The following SCYL3 variants were observed in gnomAD, a reference collection of about 807,000 sequenced individuals.
SCYL3 encodes the protein protein-associating with the carboxyl-terminal domain of ezrin.
A neutral mutation model predicts 73.8 loss-of-function variants in SCYL3; 35 were observed. The ratio of observed to expected loss-of-function variants is 0.47; its 90% CI spans 0.36 to 0.63. The LOEUF is 0.63. SCYL3 is among the 20% of genes least tolerant of loss of function. The pLI, the probability that SCYL3 is intolerant of heterozygous loss-of-function variation, is 0.00. For missense variants in SCYL3, 712 were observed against 798.9 expected (o/e 0.89, Z 1.31); for synonymous variants, 277 against 295.2 (o/e 0.94, Z 0.63).
chr1:169,851,614 C>G lies in SCYL3; in HGVS notation c.*2099G>C. The G allele has an allele frequency of 1.6e-6, 1 of 642,644 alleles. No homozygotes were observed. Among genetic ancestry groups the G allele is most frequent in the Non-Finnish European group, 2.6e-6 (1 of 385,570 alleles). 39.8% of individuals were successfully genotyped at this position (642,644 alleles called of 1,614,324 possible). On this transcript the variant is annotated 3_prime_UTR_variant, in exon 13 of 13. Transcript: ENST00000367771. ...ATCATTTTTTCCTGCAAAGACAACTCTATAACTAACTATTTTGTAAGGAAG... is the reference window on the plus strand; with the variant it reads ...ATCATTTTTTCCTGCAAAGACAACTGTATAACTAACTATTTTGTAAGGAAG...
rs988326039 is a variant in SCYL3 at position 169,850,495 on chromosome 1, C to G, written c.*3218G>C. The G allele has an allele frequency of 1.7e-6, 1 of 581,690 alleles. No homozygotes were observed. The highest frequency in any genetic ancestry group is 3.0e-5 in the Admixed American group (1 of 33,172). The allele number at this position is 581,690 out of a possible 1,614,324, so 36.0% of individuals were successfully genotyped here. A position where few individuals can be genotyped will look rare whatever the true frequency, so the allele number is the denominator to read the frequency against. On this transcript the variant is annotated 3_prime_UTR_variant, in exon 13 of 13. Coordinates refer to ENST00000367771, the MANE Select transcript of SCYL3 (RefSeq NM_020423.7). ...GACGACTTTTACTAAGCAATTGAGG[C>G]CACAGAAGTAAAACACTTGGGGCCA...
At chr1:169,868,095 T>G (rs1660160505) in intron 7 of SCYL3, among the ~76,000 whole-genome samples, 1 of 152,140 alleles carries the variant, frequency 6.6e-6, no homozygotes, top group East Asian at 1.9e-4. Flanking sequence ...TTTTGAATAG[T>G]TTGAAATATG....
rs1428287658 is a variant in SCYL3, at chr1:169,851,060, T to C, written c.*2653A>G. ...GCTCAGGGCCCTTTTTTTTTTTTTTTTTTTTTTTTTTTTGGCATGGCTTTT... is the reference window on the plus strand; with the variant it reads ...GCTCAGGGCCCTTTTTTTTTTTTTTCTTTTTTTTTTTTTGGCATGGCTTTT... On this transcript the variant is annotated 3_prime_UTR_variant, in exon 13 of 13. Transcript: ENST00000367771. 8.2e-6 allele frequency: 1 copy of C among 121,304 alleles called. No individual in the cohort carries two copies. The highest frequency in any genetic ancestry group is 1.8e-5 in the Non-Finnish European group (1 of 56,178). 7.5% of individuals were successfully genotyped at this position (121,304 alleles called of 1,614,324 possible). A position where few individuals can be genotyped will look rare whatever the true frequency, so the allele number is the denominator to read the frequency against.
chr1:169,852,412 A>G lies in SCYL3; in HGVS notation c.*1301T>C, dbSNP rs981776374. ...CTATTAGTATAGTAATTAGTATAGT[A>G]GTAATTCATGAAGAACAACATTCTG... On this transcript the variant is annotated 3_prime_UTR_variant, in exon 13 of 13. Coordinates refer to ENST00000367771, the MANE Select transcript of SCYL3 (RefSeq NM_020423.7). 2 of 269,940 alleles carry G rather than the reference A, an allele frequency of 7.4e-6. No homozygotes were observed. Among genetic ancestry groups the G allele is most frequent in the Non-Finnish European group, 7.1e-6 (1 of 141,732 alleles). 16.7% of individuals were successfully genotyped at this position (269,940 alleles called of 1,614,324 possible).
At chr1:169,854,194 A>C (rs1658884846) in intron 12 of SCYL3, 76 bp downstream of exon 12, 2 of 1,138,120 alleles carry the variant, frequency 1.8e-6, no homozygotes, top group African/African-American at 3.1e-5. Context: ...GCTTGTTATA[A>C]ATGGGATACT....
At chr1:169,866,262 A>G (rs1304288654) in intron 8 of SCYL3, among the ~76,000 whole-genome samples, 1 of 152,208 alleles carries the variant, frequency 6.6e-6, no homozygotes, top group African/African-American at 2.4e-5. Flanking sequence ...GGAGACATTA[A>G]TGCCCTTATG....
chr1:169,851,724 T>TTG lies in SCYL3; in HGVS notation c.*1987_*1988dup, dbSNP rs1658368700. 2.7e-6 allele frequency: 4 copies of TTG among 1,499,014 alleles called. No homozygotes were observed. The Admixed American group carries it at 8.1e-5, about 30-fold the overall frequency. 92.9% of individuals were successfully genotyped at this position (1,499,014 alleles called of 1,614,324 possible). A position where few individuals can be genotyped will look rare whatever the true frequency, so the allele number is the denominator to read the frequency against. ...GACTTCCAGAATTTGCCTAGTATGG[T>TTG]TGAACACTCAGCACTTAAATTATGT... On this transcript the variant is annotated 3_prime_UTR_variant, in exon 13 of 13. Coordinates refer to ENST00000367771, the MANE Select transcript of SCYL3 (RefSeq NM_020423.7).
chr1:169,865,956 C>G (rs1185918631), intron 8 of SCYL3, among the ~76,000 whole-genome samples: 1 of 152,186 alleles, frequency 6.6e-6, no homozygotes, highest in African/African-American at 2.4e-5. Flanking sequence ...CCTTTTCATG[C>G]TACCCACTTT....
chr1:169,857,853 T>TA (rs1462213632), intron 11 of SCYL3, among the ~76,000 whole-genome samples: 1 of 152,210 alleles, frequency 6.6e-6, no homozygotes, highest in African/African-American at 2.4e-5. Flanking sequence ...TATAAACTGA[T>TA]ACAGCATGTT....
In SCYL3 at chr1:169,854,376, G is replaced by A. The variant is rs1174981849; in HGVS notation, c.1901C>T (p.Ala634Val). 1 of 1,614,040 alleles carries A rather than the reference G, an allele frequency of 6.2e-7. No homozygotes were observed. The highest frequency in any genetic ancestry group is 1.3e-5 in the African/African-American group (1 of 75,024). ...DMIPEIKPSA[A>V]FLILPELRTE... ...CCTCAGTTCAGGTAATATAAGAAAAGCAGCAGAAGGCTTAATTTCTGGGAT... is the reference window on the plus strand; with the variant it reads ...CCTCAGTTCAGGTAATATAAGAAAAACAGCAGAAGGCTTAATTTCTGGGAT... Residue 634 changes from alanine (A) to valine (V), a missense_variant, in exon 12 of 13, where the codon GCT becomes GTT. By Grantham distance (64) the Ala-to-Val change is moderately conservative (BLOSUM62 0). Coordinates refer to ENST00000367771, the MANE Select transcript of SCYL3 (RefSeq NM_020423.7).
chr1:169,890,729 C>A (rs1662025835), intron 1 of SCYL3, among the ~76,000 whole-genome samples: 1 of 152,240 alleles, frequency 6.6e-6, no homozygotes, highest in Non-Finnish European at 1.5e-5. Context: ...GTAACAAATT[C>A]ACTGAATTCC....
At chr1:169,857,403 C>T (rs1659267353) in intron 11 of SCYL3, among the ~76,000 whole-genome samples, 1 of 152,162 alleles carries the variant, frequency 6.6e-6, no homozygotes, top group Non-Finnish European at 1.5e-5. Context: ...ACTTATAATA[C>T]CTTTATTTTT....
rs752232131 is a variant in SCYL3, at chr1:169,866,881, AT to A, written c.815+14del. 1 of 1,401,126 alleles carries A rather than the reference AT, an allele frequency of 7.1e-7. No individual in the cohort carries two copies. The highest frequency in any genetic ancestry group is 1.8e-5 in the Admixed American group (1 of 55,132). 86.8% of individuals were successfully genotyped at this position (1,401,126 alleles called of 1,614,324 possible). A position where few individuals can be genotyped will look rare whatever the true frequency, so the allele number is the denominator to read the frequency against. ...CCAAGTTATTCAATTTAAATTCTTAATTTTCTGAACTTACTTAAAGAATTCC... is the reference window on the plus strand; with the variant it reads ...CCAAGTTATTCAATTTAAATTCTTAATTTCTGAACTTACTTAAAGAATTCC... On this transcript the variant is annotated intron_variant, in intron 8 of 12. Transcript: ENST00000367771.
At chr1:169,882,854 G>C (rs919087550) in intron 2 of SCYL3, among the ~76,000 whole-genome samples, 2 of 152,142 alleles carry the variant, frequency 1.3e-5, no homozygotes, top group Non-Finnish European at 2.9e-5. Context: ...TCAGCGCCCT[G>C]TCAAAACAGA....
chr1:169,849,697 TC>T lies in SCYL3; in HGVS notation c.*4015del. On this transcript the variant is annotated 3_prime_UTR_variant, in exon 13 of 13. Transcript: ENST00000367771. ...ATCCCAAAACATTTATTGAACTGCT[TC>T]TGTATTGCAATCGGAAAATTGTCTG... 1 of 981,340 alleles carries T rather than the reference TC, an allele frequency of 1.0e-6. No individual in the cohort carries two copies. Among genetic ancestry groups the T allele is most frequent in the Non-Finnish European group, 1.6e-6 (1 of 639,608 alleles). The allele number at this position is 981,340 out of a possible 1,614,324, so 60.8% of individuals were successfully genotyped here.
rs1205250734 is a variant in SCYL3, at chr1:169,886,681, TATAGGCTTAC to T, written c.165+1985_165+1994del. Among the ~76,000 whole-genome samples, 3 of 152,218 alleles carry T rather than the reference TATAGGCTTAC, an allele frequency of 2.0e-5. No individual in the cohort carries two copies. The East Asian group carries it at 5.8e-4, about 29-fold the overall frequency. ...TTCGGGCTTAGAATTTATCACTGTT[TATAGGCTTAC>T]ATATATGAGTCATCATCATCAGTTA... On this transcript the variant is annotated intron_variant, in intron 2 of 12. Coordinates refer to ENST00000367771, the MANE Select transcript of SCYL3 (RefSeq NM_020423.7).
In SCYL3 at chr1:169,849,711, G is replaced by A; in HGVS notation, c.*4002C>T. 2.4e-6 allele frequency: 2 copies of A among 836,850 alleles called. No homozygotes were observed. Among genetic ancestry groups the A allele is most frequent in the East Asian group, 2.6e-5 (1 of 38,526 alleles). 51.8% of individuals were successfully genotyped at this position (836,850 alleles called of 1,614,324 possible). On this transcript the variant is annotated 3_prime_UTR_variant, in exon 13 of 13. Transcript: ENST00000367771. ...ATTGAACTGCTTCTGTATTGCAATCGGAAAATTGTCTGAAGGGTACATTAC... is the reference window on the plus strand; with the variant it reads ...ATTGAACTGCTTCTGTATTGCAATCAGAAAATTGTCTGAAGGGTACATTAC...
rs956012626 is a variant in SCYL3, at chr1:169,880,572, A to G, written c.166-1753T>C. ...AAGCAAAAGTAACCTTCAGAGGAAAAGGCAAAATAAAAGCACTTTTGGTGA... is the reference window on the plus strand; with the variant it reads ...AAGCAAAAGTAACCTTCAGAGGAAAGGGCAAAATAAAAGCACTTTTGGTGA... On this transcript the variant is annotated intron_variant, in intron 2 of 12. Coordinates refer to ENST00000367771, the MANE Select transcript of SCYL3 (RefSeq NM_020423.7). Among the ~76,000 whole-genome samples, 2 of 90,652 alleles carry G rather than the reference A, an allele frequency of 2.2e-5. 1 individual carries two copies. Among genetic ancestry groups the G allele is most frequent in the Non-Finnish European group, 5.8e-5 (2 of 34,494 alleles). The allele number at this position is 90,652 out of a possible 152,430, so 59.5% of individuals were successfully genotyped here.
intron 10 of SCYL3, among the ~76,000 whole-genome samples, chr1:169,862,036 C>T (rs1289489021): frequency 1.3e-5 from 2 of 152,222 alleles, no homozygotes; most frequent in Non-Finnish European, 2.9e-5. Context: ...TCACATCCTA[C>T]AGCCTTCAGA....
Sources: gnomAD v4.1 joint callset for allele counts (sites outside exome capture counted in the v4.1 genomes callset) on GRCh38, gnomAD v4.1.1 for gene constraint, MANE v1.5 for transcripts, NCBI Gene and HGNC (gene_info 2026-07-23, HGNC 2026-07-21) for gene names.